Variants in EPHA3 observed in about 807,000 individuals in gnomAD.
EPHA3 encodes the protein EPH receptor A3, also known as ephrin type-A receptor 3.
In EPHA3, 42 loss-of-function variants were observed where a neutral mutation model predicts 107.1. That is an observed-to-expected ratio of 0.39 (90% CI 0.31 to 0.51). The LOEUF is 0.51. Ranked by LOEUF, EPHA3 falls within the 20% of genes least tolerant of loss-of-function variation. EPHA3 has a pLI of 0.78. For synonymous variants in EPHA3, 461 were observed against 424.8 expected (o/e 1.09, Z -1.05); for missense variants, 1,183 against 1,211.2 (o/e 0.98, Z 0.35).
chr3:89,188,562 C>T (rs776556034), intron 2 of EPHA3, among the ~76,000 whole-genome samples: 1 of 152,154 alleles, frequency 6.6e-6, no homozygotes, highest in Non-Finnish European at 1.5e-5. Context: ...ACAATCTTTT[C>T]CTAGCCAATA....
intron 3 of EPHA3, among the ~76,000 whole-genome samples, chr3:89,258,166 A>G (rs574041368): frequency 2.6e-5 from 4 of 152,266 alleles, no homozygotes; most frequent in Non-Finnish European, 4.4e-5. Flanking sequence ...AATCAGACAA[A>G]TCCATCCAGA....
intron 3 of EPHA3, among the ~76,000 whole-genome samples, chr3:89,319,926 T>G (rs1369877105): frequency 6.6e-6 from 1 of 151,924 alleles, no homozygotes; most frequent in Non-Finnish European, 1.5e-5. Context: ...TGGTATATAT[T>G]TTATATAATG....
At chr3:89,350,618 G>C (rs553797028) in intron 5 of EPHA3, among the ~76,000 whole-genome samples, 1,625 of 150,510 alleles carry the variant, frequency 0.011, 64 homozygotes, top group Middle Eastern at 0.021. Flanking sequence ...CTCTCAGCTC[G>C]TCAAAGTCAT....
chr3:89,409,582 A>AT (rs1709118734), intron 9 of EPHA3, among the ~76,000 whole-genome samples: 1 of 151,842 alleles, frequency 6.6e-6, no homozygotes, highest in Admixed American at 6.6e-5. Context: ...TGAAACTTTA[A>AT]TTTTTTTCAA....
intron 3 of EPHA3, among the ~76,000 whole-genome samples, chr3:89,249,001 A>G (rs1364335953): frequency 6.6e-6 from 1 of 152,214 alleles, no homozygotes; most frequent in Non-Finnish European, 1.5e-5. Context: ...TCTGCACCAA[A>G]AATCTATTTG....
At position 89,219,703 on chromosome 3, in the gene EPHA3, G is replaced by GTTT. The variant is rs796857390; in HGVS notation, c.814+9187_814+9189dup. On this transcript the variant is annotated intron_variant, in intron 3 of 16. Coordinates refer to ENST00000336596, the MANE Select transcript of EPHA3 (RefSeq NM_005233.6). The stretch of plus-strand genomic sequence containing the variant: ...ATTTGGCAATGTTTTTTTTTTTTTT[G>GTTT]TTTTTTGTTTTTTTTTTTTTTTTGA... Among the ~76,000 whole-genome samples the GTTT allele has an allele frequency of 1.9e-3, 50 of 26,228 alleles. 4 individuals carry two copies. Among genetic ancestry groups the GTTT allele is most frequent in the East Asian group, 5.5e-3 (6 of 1,086 alleles). The allele number at this position is 26,228 out of a possible 152,430, so 17.2% of individuals were successfully genotyped here. A position where few individuals can be genotyped will look rare whatever the true frequency, so the allele number is the denominator to read the frequency against.
intron 3 of EPHA3, among the ~76,000 whole-genome samples, chr3:89,337,051 C>T (rs1445282732): frequency 1.3e-5 from 2 of 149,832 alleles, no homozygotes; most frequent in Admixed American, 6.6e-5. Flanking sequence ...AGAGCAAGAC[C>T]CTGGCTCAAA....
intron 3 of EPHA3, among the ~76,000 whole-genome samples, chr3:89,270,787 A>G (rs1418631245): frequency 6.6e-6 from 1 of 152,170 alleles, no homozygotes; most frequent in Non-Finnish European, 1.5e-5. Context: ...AAAGCAAACA[A>G]AACACACTGG....
chr3:89,184,966 G>A (rs929032462), intron 2 of EPHA3, among the ~76,000 whole-genome samples: 2 of 152,008 alleles, frequency 1.3e-5, no homozygotes, highest in African/African-American at 4.8e-5. Context: ...ATTTGCATTT[G>A]TCTAAAATTA....
At chr3:89,226,137 T>G (rs532439442) in intron 3 of EPHA3, among the ~76,000 whole-genome samples, 8 of 152,228 alleles carry the variant, frequency 5.3e-5, no homozygotes, top group African/African-American at 1.7e-4. Context: ...GTATAAATGG[T>G]ATATAAATCA....
chr3:89,359,832 T>TATATACATATATATACATATATAC (rs747927767), intron 5 of EPHA3, among the ~76,000 whole-genome samples: 1 of 128,122 alleles, frequency 7.8e-6, no homozygotes, highest in African/African-American at 2.9e-5. Flanking sequence ...CATATATATA[T>TATATACATATATATACATATATAC]ACATATATAT....
At chr3:89,131,685 G>A (rs1441326071) in intron 2 of EPHA3, among the ~76,000 whole-genome samples, 2 of 152,170 alleles carry the variant, frequency 1.3e-5, no homozygotes, top group Non-Finnish European at 2.9e-5. Context: ...TTCAGGGAGT[G>A]TAGAAAAAGC....
intron 11 of EPHA3, among the ~76,000 whole-genome samples, chr3:89,424,063 A>G (rs115406989): frequency 6.6e-6 from 1 of 151,570 alleles, no homozygotes; most frequent in African/African-American, 2.4e-5. Flanking sequence ...CGAGGCTAGT[A>G]ATATCTTGAT....
chr3:89,301,146 A>G lies in EPHA3; in HGVS notation c.815-39770A>G, dbSNP rs528067400. Among the ~76,000 whole-genome samples, 5 of 152,210 alleles carry G rather than the reference A, an allele frequency of 3.3e-5. No individual in the cohort carries two copies. In the East Asian group the frequency reaches 9.7e-4, roughly 29 times the overall value. On this transcript the variant is annotated intron_variant, in intron 3 of 16. Transcript: ENST00000336596. The stretch of plus-strand genomic sequence containing the variant: ...AAATACCATTTAGGGTTAAAAATAC[A>G]TGAGTCATGGATTTTAAGCACCAAG...
At chr3:89,111,516 C>T (rs1323182865) in intron 1 of EPHA3, among the ~76,000 whole-genome samples, 1 of 137,962 alleles carries the variant, frequency 7.2e-6, no homozygotes, top group African/African-American at 2.5e-5. Flanking sequence ...CATCCCCCCC[C>T]CACCCCGCCT....
intron 7 of EPHA3, among the ~76,000 whole-genome samples, chr3:89,405,165 GAAGA>G (rs976059137): frequency 2.0e-5 from 3 of 152,120 alleles, no homozygotes; most frequent in Admixed American, 6.6e-5. Flanking sequence ...AGGAGGGAAA[GAAGA>G]AAGAGTTGAG....
intron 3 of EPHA3, among the ~76,000 whole-genome samples, chr3:89,335,056 C>T (rs2107406007): frequency 6.6e-6 from 1 of 152,194 alleles, no homozygotes; most frequent in South Asian, 2.1e-4. Flanking sequence ...AACTGATCTC[C>T]TTTTTAAAAG....
At chr3:89,195,333 G>A (rs1224836792) in intron 2 of EPHA3, among the ~76,000 whole-genome samples, 1 of 151,958 alleles carries the variant, frequency 6.6e-6, no homozygotes, top group African/African-American at 2.4e-5. Context: ...AAGAGTTCTG[G>A]GTTTGAATCT....
At chr3:89,299,365 A>T (rs1177265176) in intron 3 of EPHA3, among the ~76,000 whole-genome samples, 4 of 152,070 alleles carry the variant, frequency 2.6e-5, no homozygotes, top group Non-Finnish European at 1.5e-5. Flanking sequence ...TATATGCAAG[A>T]ATGAGAATAT....
Sources: allele counts gnomAD v4.1 joint callset (sites outside exome capture counted in the v4.1 genomes callset), GRCh38; gene constraint gnomAD v4.1.1; transcripts MANE v1.5; gene names NCBI Gene and HGNC (gene_info 2026-07-23, HGNC 2026-07-21).